The following MAF variants were observed in gnomAD, a reference collection of about 807,000 sequenced individuals.
MAF encodes MAF bZIP transcription factor, also known as transcription factor Maf.
Under a neutral mutation model 22.0 loss-of-function variants are expected in MAF, and 10 were observed. The observed-to-expected ratio is 0.45, with a 90% CI of 0.28 to 0.77. The LOEUF is 0.77. Ranked by LOEUF, MAF falls within the 30% of genes least tolerant of loss-of-function variation. The probability of loss-of-function intolerance (pLI) is 0.12; values close to 1 mark genes in which losing one functional copy is unlikely to be tolerated. For synonymous variants in MAF, 337 were observed against 255.8 expected, an observed-to-expected ratio of 1.32 and a Z score of -3.03; for missense variants, 544 against 548.4, an observed-to-expected ratio of 0.99 and a Z score of 0.08.
the MAF span, among the ~76,000 whole-genome samples, chr16:79,534,371 G>A: frequency 1.3e-5 from 2 of 152,142 alleles, no homozygotes; most frequent in African/African-American, 2.4e-5. Context: ...GGCCAGCTGG[G>A]CATCTGAATT....
chr16:79,474,146 G>A, the MAF span, among the ~76,000 whole-genome samples: 2 of 151,998 alleles, frequency 1.3e-5, no homozygotes, highest in African/African-American at 4.8e-5. Context: ...GGAGGTGGAG[G>A]GATAACCTAG....
chr16:79,393,773 T>C, the MAF span, among the ~76,000 whole-genome samples: 2 of 152,262 alleles, frequency 1.3e-5, no homozygotes, highest in African/African-American at 4.8e-5. Flanking sequence ...GAGTCAGCAA[T>C]TGGCAGGATC....
At chr16:79,428,652 C>T in the MAF span, among the ~76,000 whole-genome samples, 54 of 152,088 alleles carry the variant, frequency 3.6e-4, 2 homozygotes, top group South Asian at 0.011. Context: ...CCAGCCTGAG[C>T]AACTTAGTGA....
the MAF span, among the ~76,000 whole-genome samples, chr16:79,529,773 C>T: frequency 3.3e-5 from 5 of 152,060 alleles, no homozygotes; most frequent in African/African-American, 7.2e-5. Flanking sequence ...CCAGCCTGGC[C>T]AATGTGGTGA....
the MAF span, among the ~76,000 whole-genome samples, chr16:79,436,805 A>G: frequency 6.6e-6 from 1 of 152,132 alleles, no homozygotes; most frequent in Non-Finnish European, 1.5e-5. Flanking sequence ...CCACCTTGGC[A>G]TCTCCAGCAC....
At chr16:79,255,982 C>T in the MAF span, among the ~76,000 whole-genome samples, 63,188 of 99,584 alleles carry the variant, frequency 0.63, 20,329 homozygotes, top group Non-Finnish European at 0.71. Context: ...CTTTTCTTTT[C>T]TTTTTTTTTT....
the MAF span, among the ~76,000 whole-genome samples, chr16:79,467,934 G>T: frequency 6.6e-6 from 1 of 151,350 alleles, no homozygotes; most frequent in African/African-American, 2.4e-5. Context: ...TGGGGGTGGT[G>T]GTCGTGGGGG....
At chr16:79,330,418 G>A in the MAF span, among the ~76,000 whole-genome samples, 3 of 152,198 alleles carry the variant, frequency 2.0e-5, no homozygotes, top group Non-Finnish European at 2.9e-5. Context: ...TAAGCTCTGA[G>A]TCTTGGAAAT....
At chr16:79,383,233 G>C in the MAF span, among the ~76,000 whole-genome samples, 1 of 152,178 alleles carries the variant, frequency 6.6e-6, no homozygotes, top group Non-Finnish European at 1.5e-5. Context: ...GGTGGGGGCA[G>C]GGTGGGGATA....
At chr16:79,484,422 T>C in the MAF span, among the ~76,000 whole-genome samples, 3 of 152,170 alleles carry the variant, frequency 2.0e-5, no homozygotes, top group African/African-American at 4.8e-5. Flanking sequence ...GCAGATGACC[T>C]CAGAGGTGAC....
chr16:79,371,897 G>C, the MAF span, among the ~76,000 whole-genome samples: 7 of 152,184 alleles, frequency 4.6e-5, no homozygotes, highest in Admixed American at 4.6e-4. Context: ...CCTGTTGGTA[G>C]GTTATTCACT....
chr16:79,488,016 A>C, the MAF span, among the ~76,000 whole-genome samples: 1 of 152,228 alleles, frequency 6.6e-6, no homozygotes, highest in Admixed American at 6.5e-5. Flanking sequence ...ATGTGGTTAC[A>C]AATCAGTGGA....
the MAF span, among the ~76,000 whole-genome samples, chr16:79,358,794 A>G: frequency 0.61 from 92,635 of 152,114 alleles, 29,843 homozygotes; most frequent in East Asian, 0.8. Flanking sequence ...CTCCCACCTC[A>G]TTCTCTCAGA....
At chr16:79,512,124 T>C in the MAF span, among the ~76,000 whole-genome samples, 4 of 152,206 alleles carry the variant, frequency 2.6e-5, no homozygotes, top group African/African-American at 9.6e-5. Context: ...CATAATCCCA[T>C]AGCTCTTTGA....
Position 79,599,470 on chromosome 16 carries a change from C to T in MAF, c.433G>A (p.Gly145Ser), listed in dbSNP as rs550438083. The T allele has an allele frequency of 1.0e-3, 1,366 of 1,364,510 alleles. 2 individuals are homozygous for T. Among genetic ancestry groups the T allele is most frequent in the Middle Eastern group, 5.1e-3 (19 of 3,692 alleles). 84.5% of individuals were successfully genotyped at this position (1,364,510 alleles called of 1,614,324 possible). The change falls in exon 1 of 2, where the codon GGT becomes AGT. Residue 145 changes from glycine (G) to serine (S), a missense_variant. Physicochemically the swap from Gly to Ser is moderately conservative, Grantham distance 56. This residue lies in a region of MAF where 342 missense variants were observed against 315.5 expected (regional missense o/e 1.08). Coordinates refer to ENST00000326043, the MANE Select transcript of MAF (RefSeq NM_005360.5). The stretch of plus-strand genomic sequence containing the variant: ...CTGCCGCCCAAGGAGGCGCCGGCAC[C>T]GGCCCCGGCCGCCGCGGCCAGCTGC... Reference protein sequence around the residue: ...AQQLAAAAGAGAGASLGGSGE... With the variant: ...AQQLAAAAGASAGASLGGSGE...
At chr16:79,415,473 T>C in the MAF span, among the ~76,000 whole-genome samples, 1 of 152,130 alleles carries the variant, frequency 6.6e-6, no homozygotes, top group East Asian at 1.9e-4. Context: ...CTCTCTACTA[T>C]CCAGGAATAG....
chr16:79,254,175 T>C, the MAF span, among the ~76,000 whole-genome samples: 1 of 152,178 alleles, frequency 6.6e-6, no homozygotes, highest in South Asian at 2.1e-4. Flanking sequence ...TAATCAAGCA[T>C]ATTATTATTC....
At chr16:79,511,022 T>C in the MAF span, among the ~76,000 whole-genome samples, 3 of 152,182 alleles carry the variant, frequency 2.0e-5, no homozygotes, top group African/African-American at 4.8e-5. Flanking sequence ...CTAGAAGATA[T>C]AGTCAACCCC....
chr16:79,262,303 A>G, the MAF span, among the ~76,000 whole-genome samples: 1 of 152,178 alleles, frequency 6.6e-6, no homozygotes, highest in Non-Finnish European at 1.5e-5. Context: ...TCTAAAACTC[A>G]TGTTCTCTCT....
Sources: allele counts gnomAD v4.1 joint callset (sites outside exome capture counted in the v4.1 genomes callset), GRCh38; gene constraint gnomAD v4.1.1; regional missense constraint gnomAD v4.1.1; transcripts MANE v1.5; gene names NCBI Gene and HGNC (gene_info 2026-07-23, HGNC 2026-07-21).